The following ABTB3 variants were observed in gnomAD, a reference collection of about 807,000 sequenced individuals.
ABTB3 encodes the protein ankyrin repeat- and BTB/POZ domain-containing protein 3.
At chr12:107,476,549 T>C in the ABTB3 span, among the ~76,000 whole-genome samples, 1 of 151,836 alleles carries the variant, frequency 6.6e-6, no homozygotes, top group African/African-American at 2.4e-5. Context: ...AACTCGAGTG[T>C]CAGGTATAGC....
At chr12:107,621,376 A>C in the ABTB3 span, among the ~76,000 whole-genome samples, 1 of 152,228 alleles carries the variant, frequency 6.6e-6, no homozygotes, top group East Asian at 1.9e-4. Context: ...AAAAATAAGT[A>C]GCTGAATAAA....
the ABTB3 span, among the ~76,000 whole-genome samples, chr12:107,507,804 G>T: frequency 2.6e-5 from 4 of 152,268 alleles, no homozygotes; most frequent in African/African-American, 7.2e-5. Flanking sequence ...GTCACCTAAT[G>T]ACCATCAGCT....
the ABTB3 span, among the ~76,000 whole-genome samples, chr12:107,387,571 GT>G: frequency 6.6e-6 from 1 of 152,208 alleles, no homozygotes; most frequent in South Asian, 2.1e-4. Flanking sequence ...ATGGTAACAA[GT>G]GTTCCAGGTA....
chr12:107,643,463 C>T, the ABTB3 span, among the ~76,000 whole-genome samples: 133 of 151,022 alleles, frequency 8.8e-4, no homozygotes, highest in African/African-American at 3.2e-3. Context: ...GTGAGCTGTC[C>T]CCCTGAGGTC....
chr12:107,426,508 G>A, the ABTB3 span, among the ~76,000 whole-genome samples: 2 of 152,104 alleles, frequency 1.3e-5, no homozygotes, highest in Admixed American at 1.3e-4. Flanking sequence ...CACTCAACCC[G>A]ACTCCTCTCC....
chr12:107,460,217 G>C, the ABTB3 span, among the ~76,000 whole-genome samples: 1 of 152,236 alleles, frequency 6.6e-6, no homozygotes, highest in Non-Finnish European at 1.5e-5. Flanking sequence ...TTCTAGCCCA[G>C]CTCTGCATTC....
At chr12:107,350,943 C>G in the ABTB3 span, among the ~76,000 whole-genome samples, 2 of 152,096 alleles carry the variant, frequency 1.3e-5, no homozygotes, top group African/African-American at 4.8e-5. Flanking sequence ...CCTCGAGAAA[C>G]CAACTCCCAG....
the ABTB3 span, among the ~76,000 whole-genome samples, chr12:107,521,071 A>T: frequency 2.0e-5 from 3 of 152,206 alleles, no homozygotes; most frequent in East Asian, 5.8e-4. Flanking sequence ...GCCAGAGTAT[A>T]TTCTCAGAGA....
the ABTB3 span, among the ~76,000 whole-genome samples, chr12:107,334,007 C>T: frequency 6.6e-6 from 1 of 152,092 alleles, no homozygotes; most frequent in Non-Finnish European, 1.5e-5. Context: ...AGGGAACAGC[C>T]AGTGTAAGGG....
At chr12:107,471,611 T>G in the ABTB3 span, among the ~76,000 whole-genome samples, 1 of 152,224 alleles carries the variant, frequency 6.6e-6, no homozygotes. Flanking sequence ...GAGCTTTGCC[T>G]GCAATCTGTA....
chr12:107,599,231 T>C, the ABTB3 span, among the ~76,000 whole-genome samples: 1 of 152,216 alleles, frequency 6.6e-6, no homozygotes, highest in African/African-American at 2.4e-5. Context: ...TCTCAGTGCA[T>C]GTTCATAAAC....
the ABTB3 span, among the ~76,000 whole-genome samples, chr12:107,482,113 T>C: frequency 1.3e-5 from 2 of 151,472 alleles, no homozygotes; most frequent in Non-Finnish European, 2.9e-5. Context: ...CCAGAGAAAA[T>C]TGGGGATGCT....
the ABTB3 span, among the ~76,000 whole-genome samples, chr12:107,343,136 T>G: frequency 6.6e-6 from 1 of 152,134 alleles, no homozygotes; most frequent in Non-Finnish European, 1.5e-5. Context: ...CATCTCAGCC[T>G]CCCAAGTAGC....
the ABTB3 span, among the ~76,000 whole-genome samples, chr12:107,523,614 C>G: frequency 1.3e-5 from 2 of 152,056 alleles, no homozygotes; most frequent in Non-Finnish European, 2.9e-5. Context: ...GATATAGCAG[C>G]AGGTCAGATG....
the ABTB3 span, among the ~76,000 whole-genome samples, chr12:107,595,546 A>G: frequency 2.6e-5 from 4 of 152,338 alleles, no homozygotes; most frequent in East Asian, 5.8e-4. Flanking sequence ...TTGGCACCCT[A>G]CGCAGTACCT....
chr12:107,501,752 G>GA, the ABTB3 span, among the ~76,000 whole-genome samples: 349 of 151,098 alleles, frequency 2.3e-3, 7 homozygotes, highest in African/African-American at 7.8e-3. Context: ...GCCTGTTCTG[G>GA]AAAAAAAAAT....
the ABTB3 span, among the ~76,000 whole-genome samples, chr12:107,462,581 G>A: frequency 8.4e-3 from 1,279 of 152,134 alleles, 11 homozygotes; most frequent in Non-Finnish European, 0.012. Flanking sequence ...TAATGGTGGC[G>A]ATAGTGATTA....
chr12:107,495,159 G>A, the ABTB3 span, among the ~76,000 whole-genome samples: 6 of 152,188 alleles, frequency 3.9e-5, no homozygotes, highest in African/African-American at 1.4e-4. Flanking sequence ...CTCTCCCTTG[G>A]TAGTGGGGAA....
the ABTB3 span, among the ~76,000 whole-genome samples, chr12:107,621,244 CAAGACCCA>C: frequency 3.6e-3 from 547 of 152,310 alleles, 5 homozygotes; most frequent in African/African-American, 0.013. Flanking sequence ...TGCTTGAGGT[CAAGACCCA>C]CCAGGACCCC....
Sources: gnomAD v4.1 joint callset for allele counts (sites outside exome capture counted in the v4.1 genomes callset) on GRCh38, gnomAD v4.1.1 for gene constraint, MANE v1.5 for transcripts, NCBI Gene and HGNC (gene_info 2026-07-23, HGNC 2026-07-21) for gene names.